ST7: variants seen among roughly 807,000 people sequenced by gnomAD.
The protein encoded by ST7 is suppression of tumorigenicity 7.
A neutral mutation model predicts 78.7 loss-of-function variants in ST7; 28 were observed. The observed-to-expected ratio is 0.36, with a 90% CI of 0.26 to 0.49. ST7 has a LOEUF of 0.49. ST7 is among the 20% of genes least tolerant of loss of function. ST7 has a pLI of 0.99. For synonymous variants in ST7, 247 were observed against 249.6 expected (o/e 0.99, Z 0.10); for missense variants, 418 against 696.0 (o/e 0.60, Z 4.49).
At chr7:116,960,581 C>T (rs749491251) in intron 1 of ST7, among the ~76,000 whole-genome samples, 1 of 152,168 alleles carries the variant, frequency 6.6e-6, no homozygotes, top group Admixed American at 6.5e-5. Flanking sequence ...ATTTCCCAAC[C>T]AAATCTTTCT....
chr7:117,213,641 T>A (rs530406560), intron 13 of ST7, among the ~76,000 whole-genome samples: 101 of 144,640 alleles, frequency 7.0e-4, no homozygotes, highest in Middle Eastern at 3.5e-3. Flanking sequence ...ATGGTGGTTT[T>A]AAAAAAAAAA....
chr7:117,115,305 T>A (rs1341877559), intron 2 of ST7, among the ~76,000 whole-genome samples: 1 of 152,142 alleles, frequency 6.6e-6, no homozygotes, highest in East Asian at 1.9e-4. Context: ...TTCATTCTTC[T>A]TTCTCTTTCT....
chr7:117,139,743 A>G (rs1805113842), intron 9 of ST7, among the ~76,000 whole-genome samples: 2 of 152,202 alleles, frequency 1.3e-5, no homozygotes, highest in South Asian at 2.1e-4. Flanking sequence ...CCTCAATTAA[A>G]TTATTTTGTT....
At chr7:117,003,320 C>T (rs749800328) in intron 1 of ST7, among the ~76,000 whole-genome samples, 10 of 151,508 alleles carry the variant, frequency 6.6e-5, no homozygotes, top group Non-Finnish European at 1.3e-4. Context: ...TTTTCTGAGA[C>T]ACAGTCTCAC....
At chr7:117,045,227 C>A (rs1324269400) in intron 1 of ST7, among the ~76,000 whole-genome samples, 8 of 152,110 alleles carry the variant, frequency 5.3e-5, no homozygotes, top group Non-Finnish European at 1.2e-4. Flanking sequence ...TTTCTAACTC[C>A]AGTCAGACCT....
chr7:117,054,285 G>A (rs1489428708), intron 1 of ST7, among the ~76,000 whole-genome samples: 1 of 152,224 alleles, frequency 6.6e-6, no homozygotes, highest in Non-Finnish European at 1.5e-5. Context: ...AGCCAGTGAA[G>A]TGGAGGCATT....
intron 1 of ST7, among the ~76,000 whole-genome samples, chr7:117,038,585 G>A (rs17139270): frequency 0.083 from 12,644 of 152,194 alleles, 571 homozygotes; most frequent in East Asian, 0.13. Flanking sequence ...TAAACTTGCT[G>A]TAAAGGTAAA....
intron 1 of ST7, among the ~76,000 whole-genome samples, chr7:117,080,436 A>G (rs1233567289): frequency 6.6e-6 from 1 of 152,144 alleles, no homozygotes; most frequent in Non-Finnish European, 1.5e-5. Flanking sequence ...TCTATCATAT[A>G]GATATTTAAT....
At chr7:117,125,621 T>C (rs1803772936) in intron 3 of ST7, among the ~76,000 whole-genome samples, 1 of 152,102 alleles carries the variant, frequency 6.6e-6, no homozygotes, top group Non-Finnish European at 1.5e-5. Context: ...GAGAATTGGG[T>C]ATTCATTTCT....
intron 1 of ST7, among the ~76,000 whole-genome samples, chr7:117,051,803 A>G (rs568046767): frequency 2.0e-5 from 3 of 152,286 alleles, no homozygotes; most frequent in Admixed American, 2.0e-4. Context: ...AGACAGAGAA[A>G]TCAAGGATGA....
At chr7:117,148,224 G>A (rs1805964843) in intron 9 of ST7, among the ~76,000 whole-genome samples, 1 of 151,988 alleles carries the variant, frequency 6.6e-6, no homozygotes, top group African/African-American at 2.4e-5. Flanking sequence ...CGTTTATGTT[G>A]GTGATTATTA....
At chr7:117,097,908 A>ATATATATATATATATTTTTTTTTTT in intron 1 of ST7, among the ~76,000 whole-genome samples, 1 of 30,020 alleles carries the variant, frequency 3.3e-5, no homozygotes, top group Non-Finnish European at 5.4e-5. Flanking sequence ...ATATATATAT[A>ATATATATATATATATTTTTTTTTTT]TTTTTTTTTT....
chr7:117,077,172 C>T (rs1314257428), intron 1 of ST7, among the ~76,000 whole-genome samples: 1 of 152,136 alleles, frequency 6.6e-6, no homozygotes, highest in Non-Finnish European at 1.5e-5. Context: ...TCTCTGATGT[C>T]CAGAGGCTTC....
intron 9 of ST7, among the ~76,000 whole-genome samples, chr7:117,147,547 T>A (rs1185103120): frequency 2.0e-5 from 3 of 152,050 alleles, no homozygotes; most frequent in Non-Finnish European, 4.4e-5. Flanking sequence ...AAATACTATG[T>A]AGTTTTTTTC....
chr7:117,033,706 G>A (rs1249908883), intron 1 of ST7, among the ~76,000 whole-genome samples: 1 of 152,176 alleles, frequency 6.6e-6, no homozygotes, highest in Non-Finnish European at 1.5e-5. Context: ...TTACAGGCGT[G>A]AGCCAGCACG....
At chr7:117,096,044 G>A (rs1231436629) in intron 1 of ST7, among the ~76,000 whole-genome samples, 2 of 132,406 alleles carry the variant, frequency 1.5e-5, no homozygotes, top group Non-Finnish European at 3.1e-5. Flanking sequence ...CTCCAGCCTG[G>A]GCAACAGAGC....
intron 9 of ST7, among the ~76,000 whole-genome samples, chr7:117,148,136 TC>T (rs1417363247): frequency 6.6e-6 from 1 of 152,192 alleles, no homozygotes; most frequent in Non-Finnish European, 1.5e-5. Context: ...AATATTCACC[TC>T]CAACTGTTTA....
chr7:117,014,243 C>T (rs1232194154), intron 1 of ST7, among the ~76,000 whole-genome samples: 2 of 151,602 alleles, frequency 1.3e-5, no homozygotes, highest in Non-Finnish European at 2.9e-5. Flanking sequence ...GATGAAGTAG[C>T]CATTGTTAAA....
chr7:117,130,650 G>A, intron 5 of ST7, 44 bp downstream of exon 5: 1 of 1,469,790 alleles, frequency 6.8e-7, no homozygotes, highest in Non-Finnish European at 9.4e-7. Flanking sequence ...GGGCTTTTTG[G>A]CTTAAGTGTC....
Sources: gnomAD v4.1 joint callset for allele counts (sites outside exome capture counted in the v4.1 genomes callset) on GRCh38, gnomAD v4.1.1 for gene constraint, MANE v1.5 for transcripts, NCBI Gene and HGNC (gene_info 2026-07-23, HGNC 2026-07-21) for gene names.